Variants in LARGE1 observed in about 807,000 individuals in gnomAD.
LARGE1 encodes LARGE xylosyl- and glucuronyltransferase 1.
A neutral mutation model predicts 87.6 loss-of-function variants in LARGE1; 43 were observed. The observed-to-expected ratio is 0.49, with a 90% CI of 0.38 to 0.63. The LOEUF (loss-of-function observed/expected upper bound fraction) is 0.63. Among genes scored for constraint, LARGE1 ranks in the 30% least tolerant of loss-of-function variants. The pLI is 0.00. For missense variants in LARGE1, 802 were observed against 1,000.2 expected (o/e 0.80, Z 2.67); for synonymous variants, 434 against 394.6 (o/e 1.10, Z -1.18).
chr22:33,337,601 GC>G (rs1356000071), intron 10 of LARGE1, 44 bp downstream of exon 10: 1 of 1,610,770 alleles, frequency 6.2e-7, no homozygotes, highest in Admixed American at 1.7e-5. Flanking sequence ...TGATGGATGA[GC>G]AGAGAAGCCG....
chr22:33,499,175 G>A (rs1398495438), intron 6 of LARGE1, among the ~76,000 whole-genome samples: 1 of 152,112 alleles, frequency 6.6e-6, no homozygotes, highest in Non-Finnish European at 1.5e-5. Flanking sequence ...TGGACTCTAG[G>A]GTCAGAGTGG....
chr22:33,387,527 G>GT (rs1315632259), intron 7 of LARGE1, among the ~76,000 whole-genome samples: 1 of 139,244 alleles, frequency 7.2e-6, no homozygotes, highest in Non-Finnish European at 1.5e-5. Flanking sequence ...TTAAAAAATG[G>GT]GGGGGGGGAT....
chr22:33,806,827 A>C (rs5754684), intron 1 of LARGE1, among the ~76,000 whole-genome samples: 2,547 of 152,188 alleles, frequency 0.017, 39 homozygotes, highest in Non-Finnish European at 0.025. Context: ...CTGGCCAACA[A>C]GGTGAAAACC....
chr22:33,759,912 C>T (rs2084661373), intron 2 of LARGE1, among the ~76,000 whole-genome samples: 2 of 152,260 alleles, frequency 1.3e-5, no homozygotes, highest in East Asian at 1.9e-4. Context: ...TCCAGGGATG[C>T]ACCTAAAGGG....
At position 33,386,624 on chromosome 22, in the gene LARGE1, T is replaced by C. The variant is rs75607161; in HGVS notation, c.893-2320A>G. Among the ~76,000 whole-genome samples, 625 of 148,856 alleles carry C rather than the reference T, an allele frequency of 4.2e-3. 30 individuals are homozygous for C. The highest frequency in any genetic ancestry group is 0.015 in the African/African-American group (606 of 41,080). ...GCTAGCAATATCATATCACTGAATATGGAGTTGGGGAGGAAGGTACACAGT... is the reference window on the plus strand; with the variant it reads ...GCTAGCAATATCATATCACTGAATACGGAGTTGGGGAGGAAGGTACACAGT... On this transcript the variant is annotated intron_variant, in intron 7 of 14. Transcript: ENST00000397394.
chr22:33,375,576 T>C lies in LARGE1; in HGVS notation c.1131+6343A>G, dbSNP rs146537182. On this transcript the variant is annotated intron_variant, in intron 9 of 14. Transcript: ENST00000397394. ...TCAAGGCTTTGACTGAAATGTCATA[T>C]CTGAGAATATGTATAAACTGCCTGA... is the stretch of plus-strand genomic sequence containing the variant. Among the ~76,000 whole-genome samples the C allele has an allele frequency of 4.0e-3, 606 of 152,310 alleles. 3 individuals carry two copies. Among genetic ancestry groups the C allele is most frequent in the African/African-American group, 0.014 (571 of 41,568 alleles).
chr22:33,289,782 G>C (rs1454887141), intron 12 of LARGE1, among the ~76,000 whole-genome samples: 1 of 152,124 alleles, frequency 6.6e-6, no homozygotes, highest in Non-Finnish European at 1.5e-5. Context: ...AACCAGTGGG[G>C]AAACTGTGAA....
chr22:33,884,261 A>G (rs5754738), intron 1 of LARGE1, among the ~76,000 whole-genome samples: 108,477 of 152,114 alleles, frequency 0.71, 39,229 homozygotes, highest in East Asian at 1. Flanking sequence ...GTCCGTCCAC[A>G]CTGCTGGGAA....
intron 11 of LARGE1, among the ~76,000 whole-genome samples, chr22:33,214,575 A>G (rs1925114318): frequency 6.6e-6 from 1 of 152,108 alleles, no homozygotes; most frequent in African/African-American, 2.4e-5. Flanking sequence ...CTCAGAGACC[A>G]AGGAATCTCC....
chr22:33,510,023 A>G (rs2070980439), intron 6 of LARGE1, among the ~76,000 whole-genome samples: 1 of 152,172 alleles, frequency 6.6e-6, no homozygotes, highest in Non-Finnish European at 1.5e-5. Context: ...TGAGTACAAT[A>G]ATAAAACCAA....
the LARGE1 span, among the ~76,000 whole-genome samples, chr22:33,108,352 G>C: frequency 9.9e-5 from 15 of 152,194 alleles, no homozygotes; most frequent in Admixed American, 2.6e-4. Context: ...GCAACTGAAA[G>C]TGATTACAGC....
chr22:33,314,045 C>T (rs1329383520), intron 11 of LARGE1, among the ~76,000 whole-genome samples: 4 of 152,254 alleles, frequency 2.6e-5, no homozygotes, highest in South Asian at 2.1e-4. Flanking sequence ...TGGTGCAGAA[C>T]GGTGAGCGGT....
intron 1 of LARGE1, among the ~76,000 whole-genome samples, chr22:33,860,777 G>C (rs532940627): frequency 6.6e-6 from 1 of 152,296 alleles, no homozygotes; most frequent in South Asian, 2.1e-4. Context: ...CCACTACCCT[G>C]ACCCTCCTGG....
chr22:33,827,731 G>A (rs113745666), intron 1 of LARGE1, among the ~76,000 whole-genome samples: 1 of 149,010 alleles, frequency 6.7e-6, no homozygotes, highest in Non-Finnish European at 1.5e-5. Flanking sequence ...CGGAGACTGG[G>A]AAGGAAGCTA....
intron 11 of LARGE1, among the ~76,000 whole-genome samples, chr22:33,314,046 G>A (rs749740680): frequency 1.3e-5 from 2 of 152,142 alleles, no homozygotes; most frequent in Non-Finnish European, 2.9e-5. Flanking sequence ...GGTGCAGAAC[G>A]GTGAGCGGTA....
intron 1 of LARGE1, among the ~76,000 whole-genome samples, chr22:33,878,024 G>T (rs900465330): frequency 6.6e-6 from 1 of 150,466 alleles, no homozygotes. Flanking sequence ...TGGTTATGCT[G>T]GGCTAAATAC....
chr22:33,506,879 C>T (rs376835486), intron 6 of LARGE1, among the ~76,000 whole-genome samples: 2 of 152,072 alleles, frequency 1.3e-5, no homozygotes, highest in East Asian at 1.9e-4. Context: ...CCAGCCTGGG[C>T]GACAGAGTTA....
At chr22:33,424,979 C>T (rs563155191) in intron 7 of LARGE1, among the ~76,000 whole-genome samples, 20 of 152,204 alleles carry the variant, frequency 1.3e-4, no homozygotes, top group African/African-American at 4.3e-4. Flanking sequence ...AGAAGAGACA[C>T]AAGGCTGGGC....
intron 1 of LARGE1, among the ~76,000 whole-genome samples, chr22:33,899,157 C>G (rs555819536): frequency 3.3e-5 from 5 of 152,194 alleles, no homozygotes; most frequent in Non-Finnish European, 5.9e-5. Flanking sequence ...CAGTGTGGCA[C>G]TGTACAAGGC....
Sources: gnomAD v4.1 joint callset for allele counts (sites outside exome capture counted in the v4.1 genomes callset) on GRCh38, gnomAD v4.1.1 for gene constraint, MANE v1.5 for transcripts, NCBI Gene and HGNC (gene_info 2026-07-23, HGNC 2026-07-21) for gene names.